FOXP2: variants seen among roughly 807,000 people sequenced by gnomAD.
FOXP2 encodes forkhead box protein P2.
FOXP2 carries 12 observed loss-of-function variants against 115.8 expected under a neutral mutation model. The ratio of observed to expected loss-of-function variants is 0.10; its 90% confidence interval spans 0.07 to 0.17. The LOEUF (loss-of-function observed/expected upper bound fraction) is 0.17, where lower values mean the gene tolerates loss of function less well. FOXP2 is among the 10% of genes least tolerant of loss of function. The pLI is 1.00. For synonymous variants in FOXP2, 328 were observed against 297.7 expected (o/e 1.10, Z -1.05); for missense variants, 629 against 843.5 (o/e 0.75, Z 3.15).
intron 2 of FOXP2, among the ~76,000 whole-genome samples, chr7:114,448,755 T>A (rs1250535462): frequency 5.9e-5 from 9 of 152,172 alleles, no homozygotes; most frequent in Admixed American, 3.9e-4. Flanking sequence ...CCACAAACCT[T>A]CCTGCCATTT....
At position 114,304,344 on chromosome 7, in the gene FOXP2, T is replaced by A. The variant is rs567287201; in HGVS notation, c.-11+16235T>A. Among the ~76,000 whole-genome samples, 637 of 151,962 alleles carry A rather than the reference T, an allele frequency of 4.2e-3. 5 individuals are homozygous for A. The highest frequency in any genetic ancestry group is 0.015 in the African/African-American group (620 of 41,468). On this transcript the variant is annotated intron_variant, in intron 2 of 17. Transcript: ENST00000634411. ...ATAAATAAAATGTGTTAATAAAAAA[T>A]TATATCATTCATTTTTATCCTTCAT...
chr7:114,562,479 C>G (rs547899072), intron 3 of FOXP2, among the ~76,000 whole-genome samples: 27 of 152,328 alleles, frequency 1.8e-4, no homozygotes, highest in African/African-American at 6.5e-4. Context: ...AGAACTCCCT[C>G]TGCCTCTCTC....
At chr7:114,567,160 T>C (rs1243937310) in intron 3 of FOXP2, among the ~76,000 whole-genome samples, 2 of 152,120 alleles carry the variant, frequency 1.3e-5, no homozygotes, top group African/African-American at 2.4e-5. Context: ...ATTTTATACA[T>C]AGTAGAAACA....
At chr7:114,159,811 A>C (rs1792781915), upstream of FOXP2, among the ~76,000 whole-genome samples, 1 of 152,220 alleles carries the variant, frequency 6.6e-6, no homozygotes, top group South Asian at 2.1e-4. Flanking sequence ...AATTGGAAAA[A>C]GGCATATAAA....
intron 1 of FOXP2, among the ~76,000 whole-genome samples, chr7:114,176,338 C>CTT (rs1793309722): frequency 7.1e-6 from 1 of 140,124 alleles, no homozygotes; most frequent in East Asian, 2.1e-4. Context: ...TTCTTTCTTT[C>CTT]TCTCTCTCTC....
At chr7:114,093,844 G>T (rs1207038178) in intron 1 of FOXP2, among the ~76,000 whole-genome samples, 2 of 152,028 alleles carry the variant, frequency 1.3e-5, no homozygotes, top group Non-Finnish European at 2.9e-5. Flanking sequence ...GTGAATATTT[G>T]TGGTTTTGGA....
At chr7:114,367,612 C>A (rs1221842525) in intron 2 of FOXP2, among the ~76,000 whole-genome samples, 8 of 152,162 alleles carry the variant, frequency 5.3e-5, no homozygotes, top group African/African-American at 1.7e-4. Flanking sequence ...CAGTACAACT[C>A]TGAACTATCA....
chr7:114,665,575 A>T (rs886638092), intron 16 of FOXP2: 1 of 152,122 alleles, frequency 6.6e-6, no homozygotes, highest in African/African-American at 2.4e-5. Context: ...GCATATGTCT[A>T]ATTGCTTTAT....
chr7:114,436,496 TG>T (rs1794355875), intron 2 of FOXP2, among the ~76,000 whole-genome samples: 1 of 151,300 alleles, frequency 6.6e-6, no homozygotes, highest in Non-Finnish European at 1.5e-5. Context: ...GTAAAATTAT[TG>T]ATATAAAATT....
At position 114,232,549 on chromosome 7, in the gene FOXP2, C is replaced by T. The variant is rs180772954; in HGVS notation, c.-101-55470C>T. Among the ~76,000 whole-genome samples the T allele has an allele frequency of 3.8e-3, 580 of 152,266 alleles. 4 individuals carry two copies. The highest frequency in any genetic ancestry group is 0.014 in the African/African-American group (565 of 41,566). ...GTTTAGCAGGCCCGGCAGGGTGGCT[C>T]ATGCCTGTAATCCCAGCACTTTGGG... On this transcript the variant is annotated intron_variant, in intron 1 of 17. Transcript: ENST00000634411.
At chr7:114,308,139 A>C (rs974085835) in intron 2 of FOXP2, among the ~76,000 whole-genome samples, 3 of 152,046 alleles carry the variant, frequency 2.0e-5, no homozygotes, top group Non-Finnish European at 4.4e-5. Context: ...TTTTCCAGAC[A>C]TCCTCTAGTT....
At chr7:114,334,925 AGAAATC>A (rs1158406509) in intron 2 of FOXP2, among the ~76,000 whole-genome samples, 2 of 126,526 alleles carry the variant, frequency 1.6e-5, no homozygotes, top group Non-Finnish European at 1.6e-5. Flanking sequence ...TTATATATAT[AGAAATC>A]TATATATATA....
intron 16 of FOXP2, among the ~76,000 whole-genome samples, chr7:114,678,031 T>C (rs780391248): frequency 7.2e-4 from 110 of 152,272 alleles, no homozygotes; most frequent in Non-Finnish European, 1.4e-3. Flanking sequence ...GCAAACAAAT[T>C]GTGAAGTTAA....
chr7:114,505,663 G>C (rs1449173735), intron 2 of FOXP2, among the ~76,000 whole-genome samples: 1 of 151,294 alleles, frequency 6.6e-6, no homozygotes, highest in Non-Finnish European at 1.5e-5. Flanking sequence ...ACTTCTTTTG[G>C]GGGGGTCTTC....
chr7:114,439,169 G>A (rs888002098), intron 2 of FOXP2, among the ~76,000 whole-genome samples: 7 of 152,100 alleles, frequency 4.6e-5, no homozygotes, highest in African/African-American at 1.4e-4. Context: ...CTTGGATAAG[G>A]AAATTTGTTT....
Position 114,329,521 on chromosome 7 carries a change from G to GA in FOXP2, c.-11+41424dup, listed in dbSNP as rs1414515085. Reference sequence around the variant, plus strand: ...GCGACAAGAGTGAAACTCCATCTCGGAAAAAAAAAAAAGAAAAAAAAAAGG... The same window carrying GA: ...GCGACAAGAGTGAAACTCCATCTCGGAAAAAAAAAAAAAGAAAAAAAAAAGG... On this transcript the variant is annotated intron_variant, in intron 2 of 17. Coordinates refer to the FOXP2 transcript ENST00000634411. Among the ~76,000 whole-genome samples, 187 of 97,652 alleles carry GA rather than the reference G, an allele frequency of 1.9e-3. 2 individuals carry two copies. Among genetic ancestry groups the GA allele is most frequent in the African/African-American group, 6.5e-3 (159 of 24,348 alleles). 64.1% of individuals were successfully genotyped at this position (97,652 alleles called of 152,430 possible).
intron 1 of FOXP2, among the ~76,000 whole-genome samples, chr7:114,179,098 G>T (rs1793390433): frequency 6.6e-6 from 1 of 151,686 alleles, no homozygotes; most frequent in Admixed American, 6.6e-5. Context: ...TTATAAGAAG[G>T]CTCGTACAAA....
At chr7:114,376,438 A>G (rs1258037604) in intron 2 of FOXP2, among the ~76,000 whole-genome samples, 1 of 152,250 alleles carries the variant, frequency 6.6e-6, no homozygotes, top group Admixed American at 6.5e-5. Context: ...ACAATATGTG[A>G]GAGAATTCAG....
chr7:114,624,951 T>C (rs141355081), intron 3 of FOXP2, among the ~76,000 whole-genome samples: 1 of 151,720 alleles, frequency 6.6e-6, no homozygotes, highest in Non-Finnish European at 1.5e-5. Flanking sequence ...CACTGACTCT[T>C]TGCAAGACAG....
Sources: allele counts gnomAD v4.1 joint callset (sites outside exome capture counted in the v4.1 genomes callset), GRCh38; gene constraint gnomAD v4.1.1; transcripts MANE v1.5; gene names NCBI Gene and HGNC (gene_info 2026-07-23, HGNC 2026-07-21).